The following ANK3 variants were observed in gnomAD, a reference collection of about 807,000 sequenced individuals.
The protein encoded by ANK3 is ankyrin 3.
A neutral mutation model predicts 370.9 loss-of-function variants in ANK3; 57 were observed. That is an observed-to-expected ratio of 0.15 (90% CI 0.12 to 0.19). The LOEUF is 0.19. ANK3 is among the 10% of genes least tolerant of loss of function. ANK3 has a pLI of 1.00. For missense variants in ANK3, 4,439 were observed against 5,302.1 expected, an observed-to-expected ratio of 0.84 and a Z score of 5.06; for synonymous variants, 1,929 against 1,946.3, an observed-to-expected ratio of 0.99 and a Z score of 0.23.
chr10:60,567,586 C>T (rs1253274370), intron 2 of ANK3, among the ~76,000 whole-genome samples: 2 of 152,306 alleles, frequency 1.3e-5, no homozygotes, highest in East Asian at 3.9e-4. Context: ...ATTGATTCTG[C>T]AGCCCATCAT....
chr10:60,395,869 T>C (rs2063228018), intron 2 of ANK3, among the ~76,000 whole-genome samples: 1 of 152,086 alleles, frequency 6.6e-6, no homozygotes, highest in Non-Finnish European at 1.5e-5. Flanking sequence ...AGACAGGTGC[T>C]ACAGAAGCAG....
At chr10:60,141,588 C>CTTTTTTTTTT (rs1266607487) in intron 23 of ANK3, among the ~76,000 whole-genome samples, 8 of 24,876 alleles carry the variant, frequency 3.2e-4, no homozygotes, top group African/African-American at 1.5e-3. Flanking sequence ...TTTTTTTTTG[C>CTTTTTTTTTT]TTCCCTCCAG....
At chr10:60,392,992 C>A (rs568798057), upstream of ANK3, among the ~76,000 whole-genome samples, 2 of 152,228 alleles carry the variant, frequency 1.3e-5, no homozygotes, top group African/African-American at 4.8e-5. Context: ...TCTTAAGTGA[C>A]TTCCCTTTCT....
chr10:60,055,011 A>G (rs1237544737), intron 42 of ANK3, among the ~76,000 whole-genome samples: 1 of 151,950 alleles, frequency 6.6e-6, no homozygotes, highest in Admixed American at 6.6e-5. Context: ...ACAAAGAACA[A>G]GCAAATCTAT....
In ANK3 at chr10:60,317,925, C is replaced by T. The variant is rs370469226; in HGVS notation, c.115-38286G>A. On this transcript the variant is annotated intron_variant, in intron 1 of 43. Transcript: ENST00000280772. ...TAGAGACGGGGTTTCACTGCGTTAG[C>T]CAGGATGGTCTCGATCTCCTGACCT... is the stretch of plus-strand genomic sequence containing the variant. Among the ~76,000 whole-genome samples, 14 of 152,056 alleles carry T rather than the reference C, an allele frequency of 9.2e-5. No homozygotes were observed. In the East Asian group the frequency reaches 2.3e-3, roughly 25 times the overall value.
chr10:60,176,846 C>T (rs1482248806), intron 18 of ANK3, among the ~76,000 whole-genome samples: 1 of 152,172 alleles, frequency 6.6e-6, no homozygotes, highest in African/African-American at 2.4e-5. Context: ...TTTCCTCTGG[C>T]ATGCTCATCT....
intron 2 of ANK3, among the ~76,000 whole-genome samples, chr10:60,530,701 G>C (rs938478222): frequency 6.6e-6 from 1 of 152,120 alleles, no homozygotes; most frequent in East Asian, 1.9e-4. Context: ...ATTCATAAGG[G>C]AACGCACACA....
chr10:60,631,822 A>G (rs1246683449), intron 1 of ANK3, among the ~76,000 whole-genome samples: 1 of 152,214 alleles, frequency 6.6e-6, no homozygotes, highest in Non-Finnish European at 1.5e-5. Flanking sequence ...CCTATCATCC[A>G]AAGATAAACC....
intron 2 of ANK3, among the ~76,000 whole-genome samples, chr10:60,404,133 G>T (rs2063406256): frequency 6.6e-6 from 1 of 151,880 alleles, no homozygotes; most frequent in Non-Finnish European, 1.5e-5. Context: ...TACACTCAAG[G>T]ATTGAAAGAT....
chr10:60,054,613 G>C (rs977653059), intron 42 of ANK3, among the ~76,000 whole-genome samples: 3 of 152,188 alleles, frequency 2.0e-5, no homozygotes, highest in Admixed American at 6.5e-5. Context: ...GAAGGGAATA[G>C]GAAAGGATGT....
chr10:60,354,605 C>T lies in ANK3; in HGVS notation c.114+34820G>A, dbSNP rs138381505. ...GAGTTAAGAACAGCAGTTAGGAAAC[C>T]GTTTGCTGCCATTTCACTTGCAAAT... On this transcript the variant is annotated intron_variant, in intron 1 of 43. Transcript: ENST00000280772. 2.0e-3 allele frequency among the ~76,000 whole-genome samples: 310 copies of T among 152,220 alleles called. 4 individuals carry two copies. The highest frequency in any genetic ancestry group is 2.7e-3 in the East Asian group (14 of 5,180).
intron 2 of ANK3, among the ~76,000 whole-genome samples, chr10:60,556,778 G>C (rs2077216244): frequency 6.6e-6 from 1 of 152,172 alleles, no homozygotes. Flanking sequence ...GTTAAACATG[G>C]AAGTATAATA....
chr10:60,136,877 T>G (rs2094367478), intron 24 of ANK3, among the ~76,000 whole-genome samples: 1 of 152,172 alleles, frequency 6.6e-6, no homozygotes, highest in African/African-American at 2.4e-5. Flanking sequence ...AACATTAAAT[T>G]GTTTTCAACT....
intron 25 of ANK3, among the ~76,000 whole-genome samples, chr10:60,125,453 G>A (rs973165055): frequency 1.3e-5 from 2 of 152,176 alleles, no homozygotes; most frequent in Non-Finnish European, 2.9e-5. Flanking sequence ...ATTGTTGAGA[G>A]GTGTTGAATG....
rs181468515 is a variant in ANK3, at chr10:60,307,608, G to A, written c.115-27969C>T. Among the ~76,000 whole-genome samples the A allele has an allele frequency of 4.9e-3, 739 of 152,088 alleles. 7 individuals carry two copies. The highest frequency in any genetic ancestry group is 0.017 in the African/African-American group (720 of 41,502). ...TCCTGCCTTGGCCTCCCAAAGTGCT[G>A]GGATTATAGACACAAGCTTCTATGC... On this transcript the variant is annotated intron_variant, in intron 1 of 43. Transcript: ENST00000280772.
intron 25 of ANK3, among the ~76,000 whole-genome samples, chr10:60,129,361 T>A (rs182412930): frequency 1.4e-4 from 22 of 152,318 alleles, no homozygotes; most frequent in African/African-American, 4.6e-4. Context: ...ATACTGACTA[T>A]GAATCAGTGG....
intron 1 of ANK3, among the ~76,000 whole-genome samples, chr10:60,656,945 T>C (rs1438495279): frequency 7.3e-6 from 1 of 137,830 alleles, no homozygotes; most frequent in Admixed American, 7.1e-5. Flanking sequence ...TGGTTTTTTG[T>C]TTTTTGTTTT....
At chr10:60,290,189 G>A (rs530564527) in intron 1 of ANK3, among the ~76,000 whole-genome samples, 41 of 152,194 alleles carry the variant, frequency 2.7e-4, no homozygotes, top group East Asian at 5.8e-4. Flanking sequence ...ATAATCTGCC[G>A]TCTGTCAGTA....
chr10:60,220,712 T>C (rs1394398628), intron 8 of ANK3, among the ~76,000 whole-genome samples: 1 of 152,204 alleles, frequency 6.6e-6, no homozygotes, highest in Admixed American at 6.5e-5. Flanking sequence ...ATGTGTTGAC[T>C]GATGTCTTGT....
Sources: allele counts gnomAD v4.1 joint callset (sites outside exome capture counted in the v4.1 genomes callset), GRCh38; gene constraint gnomAD v4.1.1; transcripts MANE v1.5; gene names NCBI Gene and HGNC (gene_info 2026-07-23, HGNC 2026-07-21).